TANC1: variants seen among roughly 807,000 people sequenced by gnomAD.
TANC1 encodes the protein protein TANC1.
A neutral mutation model predicts 149.7 loss-of-function variants in TANC1; 77 were observed. The observed-to-expected ratio is 0.51, with a 90% CI of 0.43 to 0.62. The LOEUF (loss-of-function observed/expected upper bound fraction) is 0.62, where lower values mean the gene tolerates loss of function less well. Among genes scored for constraint, TANC1 ranks in the 20% least tolerant of loss-of-function variants. TANC1 has a pLI of 0.00. For missense variants in TANC1, 1,985 were observed against 2,321.8 expected (o/e 0.85, Z 2.98); for synonymous variants, 854 against 925.0 (o/e 0.92, Z 1.39).
Position 159,136,187 on chromosome 2 carries a change from A to G in TANC1, c.260-7A>G, listed in dbSNP as rs776046997. 19 of 1,559,844 alleles carry G rather than the reference A, an allele frequency of 1.2e-5. No individual in the cohort carries two copies. Among genetic ancestry groups the G allele is most frequent in the East Asian group, 2.2e-5 (1 of 44,692 alleles). On this transcript the variant is annotated splice_region_variant and splice_polypyrimidine_tract_variant and intron_variant, in intron 4 of 26. Transcript: ENST00000263635. The stretch of plus-strand genomic sequence containing the variant: ...AATTAGCCACACTCAGATCTTTCCC[A>G]CTACAGGTCCCGTCAGGAAGCCCAA...
At chr2:159,157,766 C>G (rs1293499306) in intron 7 of TANC1, among the ~76,000 whole-genome samples, 1 of 152,158 alleles carries the variant, frequency 6.6e-6, no homozygotes, top group African/African-American at 2.4e-5. Context: ...TAAATTCTTC[C>G]TGTCAACCAC....
At chr2:159,058,538 A>G (rs1194860179) in intron 2 of TANC1, among the ~76,000 whole-genome samples, 1 of 152,142 alleles carries the variant, frequency 6.6e-6, no homozygotes, top group East Asian at 1.9e-4. Flanking sequence ...AACATTTTTC[A>G]CCATAATTTT....
intron 16 of TANC1, among the ~76,000 whole-genome samples, chr2:159,188,453 C>T (rs1047440581): frequency 3.9e-5 from 6 of 152,232 alleles, no homozygotes; most frequent in Non-Finnish European, 7.4e-5. Flanking sequence ...GCCCCGCTGG[C>T]CCACTGGAGT....
intron 7 of TANC1, among the ~76,000 whole-genome samples, chr2:159,153,548 A>G (rs1344774378): frequency 1.3e-5 from 2 of 152,214 alleles, no homozygotes; most frequent in Non-Finnish European, 2.9e-5. Context: ...CTTCCGTGAC[A>G]TGCAGAATTA....
chr2:159,225,331 C>T, intron 23 of TANC1: 1 of 349,292 alleles, frequency 2.9e-6, no homozygotes, highest in Non-Finnish European at 5.4e-6. Context: ...GGACTGCGTG[C>T]TGAGAACACA....
chr2:159,108,048 A>T (rs1277870461), intron 4 of TANC1, among the ~76,000 whole-genome samples: 1 of 152,212 alleles, frequency 6.6e-6, no homozygotes, highest in Non-Finnish European at 1.5e-5. Flanking sequence ...TGTTAAAACC[A>T]ATAGGATTTT....
rs191134461 is a variant in TANC1 at position 159,161,301 on chromosome 2, C to G, written c.683-1982C>G. 9.2e-5 allele frequency among the ~76,000 whole-genome samples: 14 copies of G among 152,318 alleles called. No individual in the cohort carries two copies. In the East Asian group the frequency reaches 2.5e-3, roughly 27 times the overall value. ...AATACGTGCTTTCCAATGTAACAGCCACAAAAATAAAACCAAACAAATCCC... is the reference window on the plus strand; with the variant it reads ...AATACGTGCTTTCCAATGTAACAGCGACAAAAATAAAACCAAACAAATCCC... On this transcript the variant is annotated intron_variant, in intron 7 of 26. Coordinates refer to ENST00000263635, the MANE Select transcript of TANC1 (RefSeq NM_033394.3).
chr2:159,167,884 T>A (rs1314121493), intron 8 of TANC1, among the ~76,000 whole-genome samples: 2 of 152,144 alleles, frequency 1.3e-5, no homozygotes, highest in Non-Finnish European at 2.9e-5. Flanking sequence ...GGTCGGCAGC[T>A]GGATGCTGGG....
At chr2:159,175,298 A>G in intron 12 of TANC1, 114 bp downstream of exon 12, 1 of 817,400 alleles carries the variant, frequency 1.2e-6, no homozygotes, top group East Asian at 2.6e-5. Context: ...TGGAGCATGG[A>G]GAGGATGTCG....
intron 2 of TANC1, among the ~76,000 whole-genome samples, chr2:159,062,539 T>C (rs1342315785): frequency 2.6e-5 from 4 of 152,230 alleles, no homozygotes; most frequent in African/African-American, 9.6e-5. Context: ...GAGAGCCTGC[T>C]GGCTGCCTAC....
At chr2:159,203,209 CTTTTTT>C (rs56319016) in intron 19 of TANC1, among the ~76,000 whole-genome samples, 10 of 101,666 alleles carry the variant, frequency 9.8e-5, no homozygotes. Context: ...CTTTTCTTTT[CTTTTTT>C]TTTTTTTTTT....
intron 16 of TANC1, among the ~76,000 whole-genome samples, chr2:159,192,031 AAAT>A (rs1386315845): frequency 3.9e-5 from 6 of 152,316 alleles, no homozygotes; most frequent in African/African-American, 1.2e-4. Flanking sequence ...CTGAAAAAAA[AAAT>A]ATTATTATAC....
intron 5 of TANC1, among the ~76,000 whole-genome samples, chr2:159,146,788 G>A (rs1001445397): frequency 2.0e-5 from 3 of 151,972 alleles, no homozygotes; most frequent in East Asian, 1.9e-4. Flanking sequence ...TGATCCACCC[G>A]CCTCGGCCTC....
intron 16 of TANC1, 83 bp from the exon 17 acceptor site, chr2:159,194,174 C>A: frequency 1.8e-6 from 2 of 1,108,982 alleles, no homozygotes; most frequent in Non-Finnish European, 2.7e-6. Flanking sequence ...AAAATGATAC[C>A]GAAAATTGAG....
intron 2 of TANC1, among the ~76,000 whole-genome samples, chr2:159,062,094 T>G (rs977923418): frequency 1.3e-5 from 2 of 151,906 alleles, no homozygotes; most frequent in Non-Finnish European, 2.9e-5. Context: ...AAAAATTAGC[T>G]GGGTGTGGTG....
intron 2 of TANC1, among the ~76,000 whole-genome samples, chr2:159,017,680 TAAC>T (rs937114538): frequency 2.8e-5 from 4 of 143,662 alleles, no homozygotes; most frequent in African/African-American, 1.1e-4. Context: ...GCAGTCTGGG[TAAC>T]AACAACAACA....
chr2:159,096,666 G>A (rs989791802), intron 3 of TANC1, among the ~76,000 whole-genome samples: 1 of 152,194 alleles, frequency 6.6e-6, no homozygotes, highest in Non-Finnish European at 1.5e-5. Flanking sequence ...CTGTTTTAAA[G>A]AGGGCAGGGG....
At chr2:159,042,485 T>C (rs2040723421) in intron 2 of TANC1, among the ~76,000 whole-genome samples, 1 of 152,070 alleles carries the variant, frequency 6.6e-6, no homozygotes, top group Non-Finnish European at 1.5e-5. Flanking sequence ...TGAGCAAGCG[T>C]GCATGGAGCA....
chr2:159,089,006 T>C (rs1298785423), intron 3 of TANC1, among the ~76,000 whole-genome samples: 1 of 152,158 alleles, frequency 6.6e-6, no homozygotes, highest in East Asian at 1.9e-4. Flanking sequence ...GGGAGGCTTA[T>C]CAAAAGAGAA....
Sources: allele counts gnomAD v4.1 joint callset (sites outside exome capture counted in the v4.1 genomes callset), GRCh38; gene constraint gnomAD v4.1.1; transcripts MANE v1.5; gene names NCBI Gene and HGNC (gene_info 2026-07-23, HGNC 2026-07-21).